Variants in KRAS observed in about 807,000 individuals in gnomAD.
The protein encoded by KRAS is KRas proto-oncogene, GTPase, also known as GTPase KRas.
Under a neutral mutation model 21.0 loss-of-function variants are expected in KRAS, and 1 was observed. The observed-to-expected ratio is 0.05, with a 90% CI of 0.02 to 0.23. KRAS has a LOEUF of 0.23. KRAS is among the 10% of genes least tolerant of loss of function. The pLI, the probability that KRAS is intolerant of heterozygous loss-of-function variation, is 1.00. For synonymous variants in KRAS, 67 were observed against 72.5 expected (o/e 0.92, Z 0.39); for missense variants, 107 against 221.8 (o/e 0.48, Z 3.29).
rs1176147814 is a variant in KRAS, at chr12:25,209,190, T to C, written c.*605A>G. 1 of 665,320 alleles carries C rather than the reference T, an allele frequency of 1.5e-6. No homozygotes were observed. Among genetic ancestry groups the C allele is most frequent in the East Asian group, 2.7e-5 (1 of 36,594 alleles). The allele number at this position is 665,320 out of a possible 1,614,324, so 41.2% of individuals were successfully genotyped here. On this transcript the variant is annotated 3_prime_UTR_variant, in exon 5 of 5. Coordinates refer to ENST00000311936, the MANE Select transcript of KRAS (RefSeq NM_004985.5). ...TAATTTTTTTCCATTTTTTTCTTTT[T>C]ATAGAAAAAATATAATATTTTGGGG...
chr12:25,219,092 C>T (rs1425365707), intron 4 of KRAS, among the ~76,000 whole-genome samples: 2 of 151,992 alleles, frequency 1.3e-5, no homozygotes, highest in African/African-American at 4.8e-5. Flanking sequence ...GCATGCACCA[C>T]CACACCCAGC....
At chr12:25,215,226 A>C (rs1951240764) in intron 4 of KRAS, 1 of 713,414 alleles carries the variant, frequency 1.4e-6, no homozygotes, top group African/African-American at 1.9e-5. Flanking sequence ...CCAAATATAG[A>C]TTAGTCTACT....
chr12:25,237,860 G>GA (rs1486015209), intron 2 of KRAS, among the ~76,000 whole-genome samples: 1 of 152,140 alleles, frequency 6.6e-6, no homozygotes, highest in Admixed American at 6.5e-5. Flanking sequence ...GAACTGTTCA[G>GA]AAACAGTATC....
At chr12:25,248,207 TC>T (rs1477029407) in intron 1 of KRAS, among the ~76,000 whole-genome samples, 1 of 152,006 alleles carries the variant, frequency 6.6e-6, no homozygotes. Context: ...TGGCCTGTAA[TC>T]CCAGCACTTT....
At chr12:25,248,576 G>C (rs962146008) in intron 1 of KRAS, among the ~76,000 whole-genome samples, 1 of 149,260 alleles carries the variant, frequency 6.7e-6, no homozygotes, top group African/African-American at 2.5e-5. Context: ...TGTATCTTCC[G>C]GTTTACTTGT....
At chr12:25,214,675 A>C (rs754995673) in intron 4 of KRAS, among the ~76,000 whole-genome samples, 1 of 152,230 alleles carries the variant, frequency 6.6e-6, no homozygotes, top group Non-Finnish European at 1.5e-5. Flanking sequence ...GGCGTGAGCC[A>C]CCGCGCCCGG....
At chr12:25,233,083 T>C (rs1459431880) in intron 2 of KRAS, among the ~76,000 whole-genome samples, 1 of 152,168 alleles carries the variant, frequency 6.6e-6, no homozygotes, top group Non-Finnish European at 1.5e-5. Context: ...ACCATTTACC[T>C]ATCTTCAAAA....
chr12:25,235,660 G>T (rs1419723700), intron 2 of KRAS, among the ~76,000 whole-genome samples: 1 of 152,166 alleles, frequency 6.6e-6, no homozygotes, highest in African/African-American at 2.4e-5. Context: ...CATTAAGAAA[G>T]ACGGGGAGGG....
chr12:25,236,602 G>C (rs1356685002), intron 2 of KRAS, among the ~76,000 whole-genome samples: 1 of 151,606 alleles, frequency 6.6e-6, no homozygotes, highest in African/African-American at 2.4e-5. Context: ...CTAGACTTTT[G>C]ACTTCTATAA....
intron 2 of KRAS, 58 bp from the exon 3 acceptor site, chr12:25,227,470 G>T (rs1247432805): frequency 1.3e-6 from 2 of 1,515,896 alleles, no homozygotes; most frequent in African/African-American, 1.4e-5. Context: ...TTCAAAAAAG[G>T]TGTTATATAC....
intron 2 of KRAS, among the ~76,000 whole-genome samples, chr12:25,232,428 ATTAT>A (rs983299249): frequency 3.9e-5 from 6 of 152,284 alleles, no homozygotes; most frequent in South Asian, 2.1e-4. Flanking sequence ...CTCAACAAAT[ATTAT>A]TTATTCTCTT....
At chr12:25,245,172 AATT>A (rs1951662015) in intron 2 of KRAS, 99 bp downstream of exon 2, 1 of 1,249,204 alleles carries the variant, frequency 8.0e-7, no homozygotes, top group Admixed American at 2.0e-5. Context: ...CTTTCAGCAT[AATT>A]ATCTTGTAAT....
chr12:25,213,733 T>A (rs1951223605), intron 4 of KRAS, among the ~76,000 whole-genome samples: 1 of 152,252 alleles, frequency 6.6e-6, no homozygotes, highest in Admixed American at 6.5e-5. Context: ...TTTTGAAAAC[T>A]GTAATTTTAT....
intron 2 of KRAS, among the ~76,000 whole-genome samples, chr12:25,228,550 C>A (rs1951423470): frequency 6.6e-6 from 1 of 151,956 alleles, no homozygotes; most frequent in South Asian, 2.1e-4. Context: ...ATATGAGGAA[C>A]CTAAAATAGG....
intron 2 of KRAS, among the ~76,000 whole-genome samples, chr12:25,236,422 G>C (rs1951545508): frequency 6.6e-6 from 1 of 152,074 alleles, no homozygotes; most frequent in Non-Finnish European, 1.5e-5. Context: ...CCCCTCCTCT[G>C]AGCTTCCAGT....
chr12:25,241,249 T>C (rs1002887246), intron 2 of KRAS, among the ~76,000 whole-genome samples: 13 of 152,176 alleles, frequency 8.5e-5, no homozygotes, highest in Non-Finnish European at 1.5e-4. Flanking sequence ...AAATCAATCA[T>C]ATAAGACTTT....
intron 2 of KRAS, among the ~76,000 whole-genome samples, chr12:25,239,406 TGA>T: frequency 6.6e-6 from 1 of 152,344 alleles, no homozygotes; most frequent in Admixed American, 6.5e-5. Context: ...ACTCTGATGA[TGA>T]GAAAGGAGTC....
intron 4 of KRAS, among the ~76,000 whole-genome samples, chr12:25,222,588 T>G (rs7967120): frequency 6.6e-6 from 1 of 152,304 alleles, no homozygotes; most frequent in South Asian, 2.1e-4. Flanking sequence ...TCTTTCATAC[T>G]GTATCCCTCC....
chr12:25,246,993 CTG>C (rs1275455723), intron 1 of KRAS, among the ~76,000 whole-genome samples: 1 of 151,998 alleles, frequency 6.6e-6, no homozygotes, highest in African/African-American at 2.4e-5. Flanking sequence ...TTTTCATACA[CTG>C]TCTCCCAAGA....
Sources: allele counts gnomAD v4.1 joint callset (sites outside exome capture counted in the v4.1 genomes callset), GRCh38; gene constraint gnomAD v4.1.1; transcripts MANE v1.5; gene names NCBI Gene and HGNC (gene_info 2026-07-23, HGNC 2026-07-21).